MTOR: variants seen among roughly 807,000 people sequenced by gnomAD.
MTOR encodes the protein mechanistic target of rapamycin kinase.
Under a neutral mutation model 319.8 loss-of-function variants are expected in MTOR, and 70 were observed. The ratio of observed to expected loss-of-function variants is 0.22; its 90% CI spans 0.18 to 0.27. The LOEUF (loss-of-function observed/expected upper bound fraction) is 0.27, where lower values mean the gene tolerates loss of function less well. Ranked by LOEUF, MTOR falls within the 10% of genes least tolerant of loss-of-function variation. MTOR has a pLI of 1.00. For synonymous variants in MTOR, 1,183 were observed against 1,211.4 expected, an observed-to-expected ratio of 0.98 and a Z score of 0.49; for missense variants, 1,890 against 3,274.4, an observed-to-expected ratio of 0.58 and a Z score of 10.32.
rs527419654 is a variant in MTOR, at chr1:11,166,204, A to G, written c.4329+1238T>C. Among the ~76,000 whole-genome samples the G allele has an allele frequency of 1.1e-4, 16 of 152,346 alleles. No homozygotes were observed. The East Asian group carries it at 3.1e-3, about 29-fold the overall frequency. ...GGCATGGGCAAGGACTTCACGTCTA[A>G]AACACCAAAAGCAATGGCAACAAAA... On this transcript the variant is annotated intron_variant, in intron 29 of 57. Transcript: ENST00000361445.
rs1311042140 is a variant in MTOR at position 11,199,452 on chromosome 1, C to A, written c.4108-49G>T. 6.2e-7 allele frequency: 1 copy of A among 1,613,916 alleles called. No individual in the cohort carries two copies. The highest frequency in any genetic ancestry group is 2.2e-5 in the East Asian group (1 of 44,876). On this transcript the variant is annotated intron_variant, in intron 27 of 57. Coordinates refer to ENST00000361445, the MANE Select transcript of MTOR (RefSeq NM_004958.4). The surrounding 1 kb of genome is among the most constrained non-coding windows in gnomAD (Gnocchi z 4.5). ...GCACAGGAAAATGGCAGATGGGGCA[C>A]AAACAAGAGAAGGCTGTGTGGATGC... is the stretch of plus-strand genomic sequence containing the variant.
intron 31 of MTOR, among the ~76,000 whole-genome samples, chr1:11,148,444 T>C (rs1357049195): frequency 3.9e-5 from 6 of 152,194 alleles, no homozygotes; most frequent in Admixed American, 2.0e-4. Flanking sequence ...GATAGGAGTG[T>C]TCCTTATTAT....
chr1:11,227,138 A>G (rs1392490670), intron 19 of MTOR, among the ~76,000 whole-genome samples: 1 of 151,456 alleles, frequency 6.6e-6, no homozygotes, highest in Non-Finnish European at 1.5e-5. Context: ...TCTCTACTAA[A>G]AATACAAAAA....
At chr1:11,147,999 A>C (rs1643993327) in intron 31 of MTOR, among the ~76,000 whole-genome samples, 1 of 152,240 alleles carries the variant, frequency 6.6e-6, no homozygotes, top group Non-Finnish European at 1.5e-5. Context: ...ATTGCTGGAA[A>C]AGGTGAAGGG....
chr1:11,173,515 T>C (rs1644890066), intron 28 of MTOR, among the ~76,000 whole-genome samples: 1 of 152,046 alleles, frequency 6.6e-6, no homozygotes, highest in Admixed American at 6.6e-5. Context: ...ACTCCTGAGC[T>C]CAAGTGATCT....
At chr1:11,148,624 AG>A (rs1644024469) in intron 31 of MTOR, among the ~76,000 whole-genome samples, 1 of 152,152 alleles carries the variant, frequency 6.6e-6, no homozygotes. Flanking sequence ...AATTAGGGCC[AG>A]GCGCTGTGGC....
chr1:11,208,089 G>A (rs1157762545), intron 25 of MTOR, among the ~76,000 whole-genome samples: 1 of 152,204 alleles, frequency 6.6e-6, no homozygotes, highest in East Asian at 1.9e-4. Context: ...AAACATCTGG[G>A]TGGAAATGTA....
chr1:11,175,892 C>T (rs531960728), intron 28 of MTOR, among the ~76,000 whole-genome samples: 17 of 152,064 alleles, frequency 1.1e-4, no homozygotes, highest in South Asian at 4.1e-4. Context: ...TACAGGTGCG[C>T]GCCACTACTG....
rs1304047226 is a variant in MTOR at position 11,127,534 on chromosome 1, T to A, written c.6216+90A>T. 1 of 1,459,608 alleles carries A rather than the reference T, an allele frequency of 6.9e-7. No individual in the cohort carries two copies. Among genetic ancestry groups the A allele is most frequent in the African/African-American group, 1.4e-5 (1 of 70,502 alleles). The allele number at this position is 1,459,608 out of a possible 1,614,324, so 90.4% of individuals were successfully genotyped here. A position where few individuals can be genotyped will look rare whatever the true frequency, so the allele number is the denominator to read the frequency against. On this transcript the variant is annotated intron_variant, in intron 44 of 57. Transcript: ENST00000361445. This position sits in a 1 kb window ranked among gnomAD's most constrained non-coding sequence, Gnocchi z 5.5. ...GACAAAGGCCTTGGGTCACGTCCTTTCATTCTATAAAAACTTTTCTCATTT... is the reference window on the plus strand; with the variant it reads ...GACAAAGGCCTTGGGTCACGTCCTTACATTCTATAAAAACTTTTCTCATTT...
rs1305936919 is a variant in MTOR, at chr1:11,129,212, C to G, written c.5715-261G>C. Among the ~76,000 whole-genome samples the G allele has an allele frequency of 6.6e-6, 1 of 152,154 alleles. No individual in the cohort carries two copies. On this transcript the variant is annotated intron_variant, in intron 40 of 57. Transcript: ENST00000361445. The surrounding 1 kb of genome is among the most constrained non-coding windows in gnomAD (Gnocchi z 4.7). ...CCATGGCATGTATGCAAACATCAAA[C>G]AGACGAGCCAGGATAACCTTTAGAA...
chr1:11,139,259 C>T (rs2100476182), intron 36 of MTOR, 45 bp downstream of exon 36: 1 of 1,557,070 alleles, frequency 6.4e-7, no homozygotes, highest in Non-Finnish European at 8.6e-7. Flanking sequence ...ATTAGGCGAG[C>T]ATTCTGGAGA....
Position 11,128,343 on chromosome 1 carries a change from G to T in MTOR, c.5910+111C>A. On this transcript the variant is annotated intron_variant, in intron 42 of 57. Coordinates refer to ENST00000361445, the MANE Select transcript of MTOR (RefSeq NM_004958.4). The surrounding 1 kb of genome is among the most constrained non-coding windows in gnomAD (Gnocchi z 5.3). The stretch of plus-strand genomic sequence containing the variant: ...GGCTGGACAGACCCTCCTGGGCCAG[G>T]ATGGAACACATGGCTCCCAGTTCCT... 1.5e-6 allele frequency: 2 copies of T among 1,297,424 alleles called. No individual in the cohort carries two copies. The highest frequency in any genetic ancestry group is 1.9e-5 in the Admixed American group (1 of 52,380). The allele number at this position is 1,297,424 out of a possible 1,614,324, so 80.4% of individuals were successfully genotyped here.
In MTOR at chr1:11,232,548, G is replaced by A. The variant is rs1647054332; in HGVS notation, c.2422-20C>T. On this transcript the variant is annotated intron_variant, in intron 15 of 57. Coordinates refer to ENST00000361445, the MANE Select transcript of MTOR (RefSeq NM_004958.4). ...ACTAACCTGCAAAATGAAAAAGAGG[G>A]TGGCAGAAAGGGTTAGAAATTCTGG... The A allele has an allele frequency of 1.9e-6, 3 of 1,602,770 alleles. No homozygotes were observed. The highest frequency in any genetic ancestry group is 2.6e-6 in the Non-Finnish European group (3 of 1,170,116).
intron 28 of MTOR, among the ~76,000 whole-genome samples, chr1:11,180,365 C>T (rs150326326): frequency 6.6e-6 from 1 of 152,172 alleles, no homozygotes; most frequent in South Asian, 2.1e-4. Context: ...AATATTGGCA[C>T]CCTGGAAACA....
At chr1:11,137,752 G>A (rs923291472) in intron 36 of MTOR, among the ~76,000 whole-genome samples, 1 of 152,198 alleles carries the variant, frequency 6.6e-6, no homozygotes, top group Non-Finnish European at 1.5e-5. Flanking sequence ...ACTCTGTGAA[G>A]TGTCTTGTCT....
intron 13 of MTOR, among the ~76,000 whole-genome samples, chr1:11,237,606 T>C (rs1426289474): frequency 1.3e-5 from 2 of 151,974 alleles, no homozygotes; most frequent in Non-Finnish European, 2.9e-5. Flanking sequence ...AAGAGCTGCA[T>C]GAGAGGACTC....
In MTOR at chr1:11,212,243, G is replaced by A; in HGVS notation, c.3561+69C>T. On this transcript the variant is annotated intron_variant, in intron 23 of 57. Coordinates refer to ENST00000361445, the MANE Select transcript of MTOR (RefSeq NM_004958.4). This position sits in a 1 kb window ranked among gnomAD's most constrained non-coding sequence, Gnocchi z 4.1. The stretch of plus-strand genomic sequence containing the variant: ...GGCTGGCATCAGACAAAGTCTGAGT[G>A]GCTCACAGACAAAGTCTTCTTTCCA... 2 of 1,525,394 alleles carry A rather than the reference G, an allele frequency of 1.3e-6. No individual in the cohort carries two copies. Among genetic ancestry groups the A allele is most frequent in the Non-Finnish European group, 1.8e-6 (2 of 1,133,010 alleles). The allele number at this position is 1,525,394 out of a possible 1,614,324, so 94.5% of individuals were successfully genotyped here.
At position 11,121,980 on chromosome 1, in the gene MTOR, C is replaced by T. The variant is rs752641006; in HGVS notation, c.6809G>A (p.Arg2270Gln). Residue 2270 changes from arginine (R) to glutamine (Q), a missense_variant and splice_region_variant, in exon 48 of 58, where the codon CGG (arginine) becomes CAG (glutamine). Physicochemically the swap from Arg to Gln is conservative, Grantham distance 43. Transcript: ENST00000361445. This position sits in a 1 kb window ranked among gnomAD's most constrained non-coding sequence, Gnocchi z 4.9. ...LLNIEHRIML[R>Q]MAPDYDHLTL... ...AGCTCTCGTGGCCGCATCACATACC[C>T]GCAACATGATGCGATGCTCGATGTT... 4 of 1,613,870 alleles carry T rather than the reference C, an allele frequency of 2.5e-6. No individual in the cohort carries two copies. The highest frequency in any genetic ancestry group is 3.4e-6 in the Non-Finnish European group (4 of 1,179,940).
intron 30 of MTOR, among the ~76,000 whole-genome samples, chr1:11,155,911 T>C (rs1015271546): frequency 1.5e-4 from 23 of 152,204 alleles, no homozygotes; most frequent in African/African-American, 5.3e-4. Context: ...ACCCTCAGTA[T>C]CATGTTCCAG....
Sources: allele counts gnomAD v4.1 joint callset (sites outside exome capture counted in the v4.1 genomes callset), GRCh38; gene constraint gnomAD v4.1.1; non-coding constraint Gnocchi (gnomAD v3.1); transcripts MANE v1.5; gene names NCBI Gene and HGNC (gene_info 2026-07-23, HGNC 2026-07-21).